Variants in NFIB observed in about 807,000 individuals in gnomAD.
NFIB encodes the protein nuclear factor 1 B-type.
In NFIB, 11 loss-of-function variants were observed where a neutral mutation model predicts 61.5. That is an observed-to-expected ratio of 0.18 (90% CI 0.11 to 0.30). The LOEUF is 0.30. Ranked by LOEUF, NFIB falls within the 10% of genes least tolerant of loss-of-function variation. The probability of loss-of-function intolerance (pLI) is 1.00; values close to 1 mark genes in which losing one functional copy is unlikely to be tolerated. For missense variants in NFIB, 471 were observed against 608.9 expected, an observed-to-expected ratio of 0.77 and a Z score of 2.38; for synonymous variants, 260 against 216.5, an observed-to-expected ratio of 1.20 and a Z score of -1.76.
chr9:14,504,157 G>C, the NFIB span, among the ~76,000 whole-genome samples: 1 of 152,142 alleles, frequency 6.6e-6, no homozygotes, highest in Non-Finnish European at 1.5e-5. Flanking sequence ...CTTTATTTCT[G>C]ATTCCTCTAT....
chr9:14,287,584 G>C (rs908537989), intron 2 of NFIB, among the ~76,000 whole-genome samples: 1 of 151,662 alleles, frequency 6.6e-6, no homozygotes, highest in Non-Finnish European at 1.5e-5. Context: ...CACCAGGCCC[G>C]GCTAATTTTT....
intron 1 of NFIB, among the ~76,000 whole-genome samples, chr9:14,388,367 A>AGAAG (rs55755915): frequency 2.6e-3 from 349 of 131,876 alleles, no homozygotes; most frequent in South Asian, 9.7e-3. Flanking sequence ...AGAGAAAGAA[A>AGAAG]GAAGGAAGGA....
chr9:14,237,880 T>C (rs1231015916), intron 2 of NFIB, among the ~76,000 whole-genome samples: 3 of 149,934 alleles, frequency 2.0e-5, no homozygotes, highest in Admixed American at 6.7e-5. Context: ...TGTGTGTGTG[T>C]GTGTGTGTGT....
chr9:14,466,688 G>A, the NFIB span, among the ~76,000 whole-genome samples: 2 of 152,160 alleles, frequency 1.3e-5, no homozygotes, highest in Non-Finnish European at 2.9e-5. Context: ...CTGCCCCCCA[G>A]GGTCTGCTTT....
At chr9:14,268,850 T>C (rs980541605) in intron 2 of NFIB, among the ~76,000 whole-genome samples, 8 of 152,198 alleles carry the variant, frequency 5.3e-5, no homozygotes, top group Non-Finnish European at 1.0e-4. Context: ...TTCACTGAAT[T>C]AGACATACCC....
intron 2 of NFIB, among the ~76,000 whole-genome samples, chr9:14,199,378 T>C (rs1466113676): frequency 1.3e-5 from 2 of 152,192 alleles, no homozygotes; most frequent in Non-Finnish European, 2.9e-5. Context: ...AAAGCCCAGC[T>C]AATTGGCAAC....
At chr9:14,220,616 G>C (rs962448857) in intron 2 of NFIB, among the ~76,000 whole-genome samples, 6 of 152,026 alleles carry the variant, frequency 3.9e-5, no homozygotes, top group Non-Finnish European at 7.4e-5. Flanking sequence ...ACAGCCCATA[G>C]CTCTCACATC....
At chr9:14,466,004 C>G in the NFIB span, among the ~76,000 whole-genome samples, 1 of 152,138 alleles carries the variant, frequency 6.6e-6, no homozygotes, top group Non-Finnish European at 1.5e-5. Flanking sequence ...AATAGAAAAG[C>G]ACGGCAGGAC....
intron 1 of NFIB, among the ~76,000 whole-genome samples, chr9:14,364,221 A>G (rs10961487): frequency 0.24 from 35,878 of 152,080 alleles, 5,022 homozygotes; most frequent in African/African-American, 0.39. Flanking sequence ...GCAACCCTAA[A>G]ATCGTGCAAT....
chr9:14,410,100 T>C, the NFIB span, among the ~76,000 whole-genome samples: 2 of 152,074 alleles, frequency 1.3e-5, no homozygotes, highest in African/African-American at 4.8e-5. Context: ...TGTTAAGTCA[T>C]TTTAACATTT....
chr9:14,466,322 G>T, the NFIB span, among the ~76,000 whole-genome samples: 1 of 152,116 alleles, frequency 6.6e-6, no homozygotes, highest in Admixed American at 6.5e-5. Context: ...GGCAGCGGAC[G>T]TGTCTTTTCT....
chr9:14,494,618 T>A, the NFIB span, among the ~76,000 whole-genome samples: 1 of 152,240 alleles, frequency 6.6e-6, no homozygotes, highest in Admixed American at 6.5e-5. Flanking sequence ...CTTCTTCTCT[T>A]ATGGCTATTG....
chr9:14,117,515 T>A (rs2038317844), intron 8 of NFIB, among the ~76,000 whole-genome samples: 1 of 152,122 alleles, frequency 6.6e-6, no homozygotes, highest in African/African-American at 2.4e-5. Context: ...AAGCAGAATA[T>A]TTTTCTAAAT....
intron 1 of NFIB, among the ~76,000 whole-genome samples, chr9:14,354,462 C>G (rs1286463162): frequency 6.6e-6 from 1 of 152,208 alleles, no homozygotes; most frequent in Non-Finnish European, 1.5e-5. Flanking sequence ...AGACCAAAAT[C>G]TTCCCCAGAA....
At chr9:14,251,971 A>C (rs999758290) in intron 2 of NFIB, among the ~76,000 whole-genome samples, 2 of 152,194 alleles carry the variant, frequency 1.3e-5, no homozygotes, top group African/African-American at 4.8e-5. Flanking sequence ...CTATGCCCAC[A>C]TTCTTTGCAT....
chr9:14,263,142 C>T (rs1241609090), intron 2 of NFIB, among the ~76,000 whole-genome samples: 1 of 151,968 alleles, frequency 6.6e-6, no homozygotes, highest in African/African-American at 2.4e-5. Flanking sequence ...GTTGTTATGG[C>T]TTTTTGTCTT....
chr9:14,407,103 T>C, the NFIB span, among the ~76,000 whole-genome samples: 41 of 152,340 alleles, frequency 2.7e-4, no homozygotes, highest in Non-Finnish European at 5.1e-4. Flanking sequence ...TTTCAATTTA[T>C]TTATTTTCTA....
chr9:14,210,811 C>G (rs1406264077), intron 2 of NFIB, among the ~76,000 whole-genome samples: 1 of 152,140 alleles, frequency 6.6e-6, no homozygotes, highest in African/African-American at 2.4e-5. Context: ...TGTAAACATT[C>G]ATCACTGAGT....
intron 2 of NFIB, among the ~76,000 whole-genome samples, chr9:14,250,672 C>A (rs1328844765): frequency 6.6e-6 from 1 of 152,184 alleles, no homozygotes; most frequent in East Asian, 1.9e-4. Context: ...CAACATTAAA[C>A]ATACCAAATT....
Sources: allele counts gnomAD v4.1 joint callset (sites outside exome capture counted in the v4.1 genomes callset), GRCh38; gene constraint gnomAD v4.1.1; transcripts MANE v1.5; gene names NCBI Gene and HGNC (gene_info 2026-07-23, HGNC 2026-07-21).